LIPK: variants seen among roughly 807,000 people sequenced by gnomAD.
LIPK encodes lipase family member K, also known as lipase member K.
A neutral mutation model predicts 48.6 loss-of-function variants in LIPK; 32 were observed. The observed-to-expected ratio is 0.66, with a 90% CI of 0.50 to 0.88. LIPK has a LOEUF of 0.88. Ranked by LOEUF, LIPK falls within the 40% of genes least tolerant of loss-of-function variation. The pLI, the probability that LIPK is intolerant of heterozygous loss-of-function variation, is 0.00. For synonymous variants in LIPK, 164 were observed against 157.4 expected, an observed-to-expected ratio of 1.04 and a Z score of -0.32; for missense variants, 507 against 478.5, an observed-to-expected ratio of 1.06 and a Z score of -0.56.
intron 3 of LIPK, chr10:88,727,351 G>A (rs1842364240): frequency 4.7e-6 from 1 of 211,084 alleles, no homozygotes; most frequent in Admixed American, 5.6e-5. Flanking sequence ...TCCAGGTTTG[G>A]ATATAATGTC....
chr10:88,740,705 G>C (rs192206749), intron 8 of LIPK, among the ~76,000 whole-genome samples: 3 of 152,190 alleles, frequency 2.0e-5, no homozygotes, highest in Admixed American at 6.5e-5. Flanking sequence ...TATATTCTTG[G>C]CTGGTGGCTC....
At chr10:88,732,807 G>A (rs1477611298) in intron 6 of LIPK, among the ~76,000 whole-genome samples, 1 of 152,178 alleles carries the variant, frequency 6.6e-6, no homozygotes, top group Non-Finnish European at 1.5e-5. Context: ...CACAGATAGA[G>A]AGAACTTATT....
At chr10:88,746,407 A>G (rs1032973951) in intron 9 of LIPK, among the ~76,000 whole-genome samples, 2 of 152,178 alleles carry the variant, frequency 1.3e-5, no homozygotes, top group African/African-American at 4.8e-5. Flanking sequence ...ATTAAAAAAA[A>G]ACTGAAATTA....
At chr10:88,748,213 A>C (rs964229089) in intron 9 of LIPK, among the ~76,000 whole-genome samples, 1 of 152,126 alleles carries the variant, frequency 6.6e-6, no homozygotes. Context: ...GAGTTGAACA[A>C]TGAGAACACA....
In LIPK at chr10:88,742,762, AG is replaced by A. The variant is rs888202960; in HGVS notation, c.889-487del. On this transcript the variant is annotated intron_variant, in intron 8 of 9. Coordinates refer to ENST00000404190, the MANE Select transcript of LIPK (RefSeq NM_001080518.2). ...TCAGTGGGTGAATATTTCTTTTAAT[AG>A]TAAAAAAAAAAAGTTTAAGGATAGG... Among the ~76,000 whole-genome samples the A allele has an allele frequency of 9.0e-4, 87 of 96,580 alleles. 1 individual carries two copies. The highest frequency in any genetic ancestry group is 2.9e-3 in the African/African-American group (75 of 25,880). 63.4% of individuals were successfully genotyped at this position (96,580 alleles called of 152,430 possible).
chr10:88,719,284 T>C (rs115548710), intron 1 of LIPK, among the ~76,000 whole-genome samples: 1 of 152,346 alleles, frequency 6.6e-6, no homozygotes, highest in African/African-American at 2.4e-5. Context: ...ATAAGAAAAT[T>C]AAGTTTCAGA....
rs146573134 is a variant in LIPK at position 88,752,420 on chromosome 10, A to T, written c.961-97A>T. 2,825 of 804,362 alleles carry T rather than the reference A, an allele frequency of 3.5e-3. 79 individuals are homozygous for T. In the Admixed American group the frequency reaches 0.057, roughly 16 times the overall value. 49.8% of individuals were successfully genotyped at this position (804,362 alleles called of 1,614,324 possible). On this transcript the variant is annotated intron_variant, in intron 9 of 9. Coordinates refer to ENST00000404190, the MANE Select transcript of LIPK (RefSeq NM_001080518.2). ...AAGTGTAAACTAATTGTACACTTGT[A>T]GCATTTAAAGAACTTGCTCAACAGC...
rs1314868559 is a variant in LIPK at position 88,730,932 on chromosome 10, T to C, written c.224-51T>C. 4 of 1,432,386 alleles carry C rather than the reference T, an allele frequency of 2.8e-6. No homozygotes were observed. The African/African-American group carries it at 5.8e-5, about 21-fold the overall frequency. 88.7% of individuals were successfully genotyped at this position (1,432,386 alleles called of 1,614,324 possible). ...AAATTCAGGAATGAGATTTTTCTTGTAGACACTGAGAAAGTTCAAATATGA... is the reference window on the plus strand; with the variant it reads ...AAATTCAGGAATGAGATTTTTCTTGCAGACACTGAGAAAGTTCAAATATGA... On this transcript the variant is annotated intron_variant, in intron 3 of 9. Transcript: ENST00000404190.
intron 8 of LIPK, among the ~76,000 whole-genome samples, chr10:88,741,435 AG>A (rs1359164336): frequency 6.6e-6 from 1 of 152,172 alleles, no homozygotes; most frequent in Non-Finnish European, 1.5e-5. Flanking sequence ...TTTGTTGCCT[AG>A]GCTGGTCTTG....
At chr10:88,744,073 A>G (rs1344203324) in intron 9 of LIPK, among the ~76,000 whole-genome samples, 2 of 152,168 alleles carry the variant, frequency 1.3e-5, no homozygotes, top group African/African-American at 4.8e-5. Flanking sequence ...TTGACTGTTG[A>G]ACCTGAACAG....
At chr10:88,740,815 C>A (rs546586714) in intron 8 of LIPK, among the ~76,000 whole-genome samples, 1 of 152,120 alleles carries the variant, frequency 6.6e-6, no homozygotes, top group Non-Finnish European at 1.5e-5. Flanking sequence ...GAGACCCCCC[C>A]CCAACCAGGA....
rs777646491 is a variant in LIPK, at chr10:88,731,019, T to C, written c.260T>C (p.Ile87Thr). 4 of 1,595,214 alleles carry C rather than the reference T, an allele frequency of 2.5e-6. No individual in the cohort carries two copies. Among genetic ancestry groups the C allele is most frequent in the South Asian group, 1.1e-5 (1 of 87,520 alleles). ...KPAVYLQHGLIASASNWICNL... is the reference protein window; with the variant it reads ...KPAVYLQHGLTASASNWICNL... ...GCTGTGTATTTGCAGCATGGCTTAA[T>C]TGCATCTGCCAGTAACTGGATTTGC... The change falls in exon 4 of 10, where the codon ATT (isoleucine) becomes ACT (threonine). Residue 87 changes from isoleucine to threonine, a missense_variant. Ile to Thr is a moderately conservative substitution (Grantham distance 89). Coordinates refer to ENST00000404190, the MANE Select transcript of LIPK (RefSeq NM_001080518.2).
At chr10:88,717,625 T>C (rs1842144519) in intron 1 of LIPK, among the ~76,000 whole-genome samples, 1 of 152,174 alleles carries the variant, frequency 6.6e-6, no homozygotes. Flanking sequence ...AAGAGGATAA[T>C]AAACTTTTCC....
intron 6 of LIPK, 113 bp downstream of exon 6, chr10:88,732,664 C>G: frequency 9.2e-7 from 1 of 1,081,672 alleles, no homozygotes; most frequent in South Asian, 1.6e-5. Context: ...AATAGGTATT[C>G]AAGATATCCA....
intron 3 of LIPK, chr10:88,728,963 C>A (rs1238312893): frequency 6.2e-6 from 1 of 162,332 alleles, no homozygotes; most frequent in Non-Finnish European, 1.3e-5. Flanking sequence ...GTGGCTGTCC[C>A]ACATCCTGCT....
chr10:88,738,072 C>G (rs181048884), intron 7 of LIPK, among the ~76,000 whole-genome samples: 1 of 152,182 alleles, frequency 6.6e-6, no homozygotes, highest in African/African-American at 2.4e-5. Context: ...CGCCTTATGT[C>G]AGACCCACTG....
chr10:88,721,699 A>C (rs1251996881), intron 1 of LIPK, among the ~76,000 whole-genome samples: 1 of 152,194 alleles, frequency 6.6e-6, no homozygotes, highest in Non-Finnish European at 1.5e-5. Context: ...TAGCCATTTC[A>C]GAAGAGAGCT....
chr10:88,752,590 T>C lies in LIPK; in HGVS notation c.1034T>C (p.Val345Ala). The change falls in exon 10 of 10, where the codon GTG (valine) becomes GCG (alanine). Residue 345 changes from valine (V) to alanine (A), a missense_variant. Val to Ala is a moderately conservative substitution (Grantham distance 64). Transcript: ENST00000404190. ...TAIWNGGQDI[V>A]ADPKDVENLL... is the part of the protein sequence containing the mutation. ...ATATGGAATGGTGGACAGGACATTG[T>C]GGCTGATCCCAAGGATGTTGAAAAT... 1 of 1,573,378 alleles carries C rather than the reference T, an allele frequency of 6.4e-7. No individual in the cohort carries two copies. The highest frequency in any genetic ancestry group is 8.6e-7 in the Non-Finnish European group (1 of 1,156,940).
chr10:88,717,881 G>GTTTT (rs111612883), intron 1 of LIPK, among the ~76,000 whole-genome samples: 1 of 146,250 alleles, frequency 6.8e-6, no homozygotes, highest in Non-Finnish European at 1.5e-5. Context: ...ATTATTTAAT[G>GTTTT]TTTTTTTTTT....
Sources: gnomAD v4.1 joint callset for allele counts (sites outside exome capture counted in the v4.1 genomes callset) on GRCh38, gnomAD v4.1.1 for gene constraint, MANE v1.5 for transcripts, NCBI Gene and HGNC (gene_info 2026-07-23, HGNC 2026-07-21) for gene names.